The following ITPR2 variants were observed in gnomAD, a reference collection of about 807,000 sequenced individuals.
ITPR2 encodes the protein inositol 1,4,5-trisphosphate receptor type 2, also known as inositol 1,4,5-trisphosphate-gated calcium channel ITPR2.
A neutral mutation model predicts 317.1 loss-of-function variants in ITPR2; 207 were observed. The observed-to-expected ratio is 0.65, with a 90% CI of 0.58 to 0.73. The LOEUF is 0.73. ITPR2 is among the 30% of genes least tolerant of loss of function. ITPR2 has a pLI of 0.00. For synonymous variants in ITPR2, 1,156 were observed against 1,149.1 expected (o/e 1.01, Z -0.12); for missense variants, 2,613 against 3,284.0 (o/e 0.80, Z 4.99).
intron 40 of ITPR2, among the ~76,000 whole-genome samples, chr12:26,486,666 T>C (rs777780792): frequency 7.9e-5 from 12 of 152,210 alleles, no homozygotes; most frequent in Non-Finnish European, 1.6e-4. Flanking sequence ...AACTTCAAAA[T>C]GTTAATGTCT....
rs546112563 is a variant in ITPR2, at chr12:26,338,799, A to C, written c.*598T>G. 3 of 152,386 alleles carry C rather than the reference A, an allele frequency of 2.0e-5. No homozygotes were observed. The highest frequency in any genetic ancestry group is 7.2e-5 in the African/African-American group (3 of 41,594). 9.4% of individuals were successfully genotyped at this position (152,386 alleles called of 1,614,324 possible). ...TGTCAGTGTGAGAGGCAAAAGCTCC[A>C]AAGTACTAAGTTCCTAGAGCTGTAA... On this transcript the variant is annotated 3_prime_UTR_variant, in exon 57 of 57. Coordinates refer to ENST00000381340, the MANE Select transcript of ITPR2 (RefSeq NM_002223.4).
intron 10 of ITPR2, among the ~76,000 whole-genome samples, chr12:26,690,722 A>G (rs1300434830): frequency 6.6e-6 from 1 of 152,184 alleles, no homozygotes; most frequent in Non-Finnish European, 1.5e-5. Flanking sequence ...AGGCCCAACA[A>G]GAGTAGTCAG....
chr12:26,457,062 C>T (rs1360619201), intron 45 of ITPR2, among the ~76,000 whole-genome samples: 1 of 152,056 alleles, frequency 6.6e-6, no homozygotes, highest in Non-Finnish European at 1.5e-5. Flanking sequence ...CAAAACAGAC[C>T]AAAGCTCCTG....
At chr12:26,613,980 T>C (rs1051964952) in intron 26 of ITPR2, among the ~76,000 whole-genome samples, 1 of 152,072 alleles carries the variant, frequency 6.6e-6, no homozygotes. Flanking sequence ...AAATTCCACA[T>C]ACAAAGTTCC....
intron 55 of ITPR2, among the ~76,000 whole-genome samples, chr12:26,347,684 T>C (rs1938351045): frequency 6.6e-6 from 1 of 152,204 alleles, no homozygotes; most frequent in Non-Finnish European, 1.5e-5. Context: ...AAACAAAGAC[T>C]ACAGTGAATC....
intron 34 of ITPR2, among the ~76,000 whole-genome samples, chr12:26,572,690 T>G (rs1183148140): frequency 2.0e-5 from 3 of 152,192 alleles, no homozygotes; most frequent in African/African-American, 7.2e-5. Flanking sequence ...AGTCCTTATT[T>G]TTGGTTAACA....
chr12:26,377,018 C>CA (rs1275156167), intron 55 of ITPR2, among the ~76,000 whole-genome samples: 1 of 152,176 alleles, frequency 6.6e-6, no homozygotes, highest in Non-Finnish European at 1.5e-5. Context: ...CATGAGCCAC[C>CA]ATGCCCGGCC....
intron 37 of ITPR2, among the ~76,000 whole-genome samples, chr12:26,511,328 TC>T (rs1943340514): frequency 6.6e-6 from 1 of 152,174 alleles, no homozygotes; most frequent in Non-Finnish European, 1.5e-5. Flanking sequence ...CTGACACCCC[TC>T]CCCTAGCCCA....
intron 26 of ITPR2, among the ~76,000 whole-genome samples, chr12:26,612,695 G>A (rs889039784): frequency 9.9e-5 from 15 of 152,062 alleles, no homozygotes; most frequent in African/African-American, 1.9e-4. Context: ...ACCTGAATTC[G>A]TACAACAGCC....
chr12:26,449,901 G>C (rs1941699148), intron 45 of ITPR2, among the ~76,000 whole-genome samples: 1 of 152,148 alleles, frequency 6.6e-6, no homozygotes, highest in Non-Finnish European at 1.5e-5. Flanking sequence ...ACCTATGAAT[G>C]TGATCTTATT....
At chr12:26,394,392 C>T (rs553614958) in intron 54 of ITPR2, among the ~76,000 whole-genome samples, 17 of 152,236 alleles carry the variant, frequency 1.1e-4, no homozygotes, top group East Asian at 5.8e-4. Context: ...TGTGTGAGAT[C>T]GGAGAAGACT....
intron 10 of ITPR2, among the ~76,000 whole-genome samples, chr12:26,688,282 C>T (rs1470716161): frequency 6.6e-6 from 1 of 152,122 alleles, no homozygotes; most frequent in African/African-American, 2.4e-5. Context: ...CTCAAGCGAT[C>T]CTCCCTGCTT....
rs886649893 is a variant in ITPR2 at position 26,425,992 on chromosome 12, C to T, written c.6945+1921G>A. 2.0e-5 allele frequency among the ~76,000 whole-genome samples: 3 copies of T among 152,176 alleles called. No individual in the cohort carries two copies. In the East Asian group the frequency reaches 5.8e-4, roughly 29 times the overall value. On this transcript the variant is annotated intron_variant, in intron 49 of 56. Coordinates refer to ENST00000381340, the MANE Select transcript of ITPR2 (RefSeq NM_002223.4). ...CCCAGTAGACATTAGAATGTTATTCCTTATCTCTTTATATATTCTTGGTCC... is the reference window on the plus strand; with the variant it reads ...CCCAGTAGACATTAGAATGTTATTCTTTATCTCTTTATATATTCTTGGTCC...
At chr12:26,479,059 G>A (rs1942484304) in intron 43 of ITPR2, among the ~76,000 whole-genome samples, 1 of 149,942 alleles carries the variant, frequency 6.7e-6, no homozygotes, top group Admixed American at 6.7e-5. Flanking sequence ...ATATTATTCT[G>A]TCTTACAAAC....
chr12:26,411,296 T>C (rs746851991), intron 52 of ITPR2, 24 bp downstream of exon 52: 54 of 1,515,814 alleles, frequency 3.6e-5, no homozygotes, highest in Admixed American at 1.2e-4. Flanking sequence ...AAGTTCATAC[T>C]GACCCAGAGT....
At chr12:26,725,223 C>A (rs1948900239) in intron 3 of ITPR2, among the ~76,000 whole-genome samples, 1 of 152,044 alleles carries the variant, frequency 6.6e-6, no homozygotes, top group South Asian at 2.1e-4. Flanking sequence ...CTGAAAGTAC[C>A]AGGAATTTTA....
intron 1 of ITPR2, among the ~76,000 whole-genome samples, chr12:26,797,682 CTTTTTT>C (rs71069269): frequency 3.9e-4 from 28 of 71,896 alleles, no homozygotes; most frequent in South Asian, 7.2e-4. Context: ...ATGGAATTGT[CTTTTTT>C]TTTTTTTTTT....
At chr12:26,586,067 T>C (rs1215295061) in intron 32 of ITPR2, among the ~76,000 whole-genome samples, 1 of 152,250 alleles carries the variant, frequency 6.6e-6, no homozygotes, top group Admixed American at 6.5e-5. Flanking sequence ...TTCTTATAAA[T>C]ACATATAAGT....
intron 14 of ITPR2, among the ~76,000 whole-genome samples, chr12:26,664,357 TG>T (rs1349087881): frequency 6.6e-6 from 1 of 152,220 alleles, no homozygotes; most frequent in African/African-American, 2.4e-5. Flanking sequence ...TACAAAGATG[TG>T]GCCAAATCGA....
Sources: allele counts gnomAD v4.1 joint callset (sites outside exome capture counted in the v4.1 genomes callset), GRCh38; gene constraint gnomAD v4.1.1; transcripts MANE v1.5; gene names NCBI Gene and HGNC (gene_info 2026-07-23, HGNC 2026-07-21).